RGS6: variants seen among roughly 807,000 people sequenced by gnomAD.
RGS6 encodes the protein regulator of G-protein signaling 6.
A neutral mutation model predicts 78.5 loss-of-function variants in RGS6; 30 were observed. That is an observed-to-expected ratio of 0.38 (90% confidence interval 0.29 to 0.52). The LOEUF (loss-of-function observed/expected upper bound fraction) is 0.52, where lower values mean the gene tolerates loss of function less well. RGS6 is among the 20% of genes least tolerant of loss of function. The pLI is 0.85. For synonymous variants in RGS6, 206 were observed against 206.0 expected (o/e 1.00, Z 0.00); for missense variants, 495 against 609.7 (o/e 0.81, Z 1.98).
chr14:72,394,380 G>T (rs760168162), intron 3 of RGS6, among the ~76,000 whole-genome samples: 4 of 152,214 alleles, frequency 2.6e-5, no homozygotes, highest in Non-Finnish European at 5.9e-5. Flanking sequence ...TGGAGGTGGG[G>T]CGAGATCACA....
the RGS6 span, chr14:72,619,988 G>A: frequency 1.3e-6 from 2 of 1,533,402 alleles, no homozygotes; most frequent in Non-Finnish European, 1.7e-6. Context: ...GCTGGTCCTG[G>A]TGGAACACAG....
chr14:72,003,596 A>G (rs1182822992), intron 2 of RGS6, among the ~76,000 whole-genome samples: 1 of 152,046 alleles, frequency 6.6e-6, no homozygotes, highest in Non-Finnish European at 1.5e-5. Context: ...GGGAAAGTTT[A>G]TTTTTTAAGG....
intron 3 of RGS6, among the ~76,000 whole-genome samples, chr14:72,363,359 C>G (rs1046627768): frequency 1.3e-5 from 2 of 152,242 alleles, no homozygotes; most frequent in African/African-American, 4.8e-5. Context: ...ACCACAGCAT[C>G]AACTGAAACC....
intron 2 of RGS6, among the ~76,000 whole-genome samples, chr14:72,340,509 G>A (rs558532605): frequency 6.6e-6 from 1 of 152,246 alleles, no homozygotes; most frequent in South Asian, 2.1e-4. Context: ...GCAGACAAGG[G>A]CCCTAGGGTG....
chr14:72,451,739 C>A (rs990173672), intron 3 of RGS6, among the ~76,000 whole-genome samples: 1 of 151,946 alleles, frequency 6.6e-6, no homozygotes, highest in African/African-American at 2.4e-5. Flanking sequence ...TCTAGGCAAC[C>A]CACAGAAAAG....
intron 2 of RGS6, among the ~76,000 whole-genome samples, chr14:72,070,132 TTCTC>T (rs141781751): frequency 2.3e-4 from 35 of 150,826 alleles, no homozygotes; most frequent in African/African-American, 6.1e-4. Flanking sequence ...TGTGCTTTAT[TTCTC>T]TCTCTCTCTC....
At chr14:72,334,783 TC>T (rs1288689172) in intron 2 of RGS6, among the ~76,000 whole-genome samples, 3 of 151,938 alleles carry the variant, frequency 2.0e-5, no homozygotes, top group Admixed American at 6.5e-5. Flanking sequence ...TTAGAGGGAC[TC>T]CCCTCCCTCC....
chr14:71,964,734 C>A, intron 1 of RGS6, 38 bp from the exon 2 acceptor site: 2 of 1,411,890 alleles, frequency 1.4e-6, no homozygotes, highest in Non-Finnish European at 2.0e-6. Flanking sequence ...TTATATAATT[C>A]CTTCGTGACT....
intron 2 of RGS6, among the ~76,000 whole-genome samples, chr14:72,081,206 T>C (rs1353098490): frequency 1.3e-5 from 2 of 152,108 alleles, no homozygotes; most frequent in Non-Finnish European, 2.9e-5. Context: ...CATATAGTTT[T>C]CAGTGTACAG....
At chr14:72,050,678 A>G (rs2093175696) in intron 2 of RGS6, among the ~76,000 whole-genome samples, 1 of 152,238 alleles carries the variant, frequency 6.6e-6, no homozygotes, top group South Asian at 2.1e-4. Flanking sequence ...CAGGGAATCA[A>G]TATACCGTTG....
chr14:72,316,115 C>T (rs1031870088), intron 2 of RGS6, among the ~76,000 whole-genome samples: 2 of 152,202 alleles, frequency 1.3e-5, no homozygotes, highest in African/African-American at 4.8e-5. Context: ...AGAAGAGTCA[C>T]TTTCAAGACA....
chr14:72,387,277 C>T (rs1018979845), intron 3 of RGS6, among the ~76,000 whole-genome samples: 12 of 152,088 alleles, frequency 7.9e-5, no homozygotes, highest in Admixed American at 2.6e-4. Context: ...GGGCTGGGCG[C>T]GGTGGCTGGC....
intron 1 of RGS6, among the ~76,000 whole-genome samples, chr14:71,948,690 CT>C (rs1427482088): frequency 7.1e-6 from 1 of 141,376 alleles, no homozygotes; most frequent in Admixed American, 7.2e-5. Context: ...GTACATATTT[CT>C]TTTTTCCCAT....
intron 2 of RGS6, among the ~76,000 whole-genome samples, chr14:72,056,646 T>C (rs2093634790): frequency 2.6e-5 from 4 of 152,208 alleles, no homozygotes; most frequent in African/African-American, 9.7e-5. Context: ...TCTGTGCACA[T>C]TTAGAAAATT....
the RGS6 span, among the ~76,000 whole-genome samples, chr14:72,618,920 TA>T: frequency 1.3e-5 from 2 of 151,826 alleles, no homozygotes; most frequent in Non-Finnish European, 2.9e-5. Context: ...ACACAATAGA[TA>T]AAAAAACACC....
chr14:72,473,124 A>G (rs187451226), intron 9 of RGS6, among the ~76,000 whole-genome samples, 171 bp downstream of exon 9: 14 of 152,276 alleles, frequency 9.2e-5, no homozygotes, highest in African/African-American at 3.1e-4. Flanking sequence ...AATTTTCTGG[A>G]ATATATGTAA....
At chr14:72,472,586 G>A (rs2096114142) in intron 8 of RGS6, among the ~76,000 whole-genome samples, 1 of 152,152 alleles carries the variant, frequency 6.6e-6, no homozygotes, top group Non-Finnish European at 1.5e-5. Context: ...CAGATGAACA[G>A]CTGCATTCTT....
At chr14:72,287,942 C>T (rs899866418) in intron 2 of RGS6, among the ~76,000 whole-genome samples, 2 of 152,144 alleles carry the variant, frequency 1.3e-5, no homozygotes, top group African/African-American at 4.8e-5. Context: ...AGAAATAAAT[C>T]CCACTTGGTC....
At chr14:72,325,450 T>A (rs1018296859) in intron 2 of RGS6, among the ~76,000 whole-genome samples, 2 of 151,982 alleles carry the variant, frequency 1.3e-5, no homozygotes, top group African/African-American at 4.8e-5. Context: ...CTGAATGGTA[T>A]TGCCTAGGTT....
Sources: allele counts gnomAD v4.1 joint callset (sites outside exome capture counted in the v4.1 genomes callset), GRCh38; gene constraint gnomAD v4.1.1; transcripts MANE v1.5; gene names NCBI Gene and HGNC (gene_info 2026-07-23, HGNC 2026-07-21).